Variants in TERB1 observed in about 807,000 individuals in gnomAD.
The protein encoded by TERB1 is telomere repeat binding bouquet formation protein 1.
TERB1 carries 63 observed loss-of-function variants against 92.3 expected under a neutral mutation model. The observed-to-expected ratio is 0.68, with a 90% CI of 0.56 to 0.84. The LOEUF (loss-of-function observed/expected upper bound fraction) is 0.84, where lower values mean the gene tolerates loss of function less well. Ranked by LOEUF, TERB1 falls within the 40% of genes least tolerant of loss-of-function variation. The probability of loss-of-function intolerance (pLI) is 0.00; values close to 1 mark genes in which losing one functional copy is unlikely to be tolerated. For missense variants in TERB1, 709 were observed against 843.7 expected (o/e 0.84, Z 1.98); for synonymous variants, 252 against 283.9 (o/e 0.89, Z 1.13).
chr16:66,771,638 TACACAC>T (rs57620654), intron 13 of TERB1, among the ~76,000 whole-genome samples: 3,294 of 143,076 alleles, frequency 0.023, 42 homozygotes, highest in East Asian at 0.043. Flanking sequence ...TGTTACAGAA[TACACAC>T]ACACACACAC....
At chr16:66,777,143 A>C (rs1043881063) in intron 11 of TERB1, 60 bp downstream of exon 11, 14 of 1,419,502 alleles carry the variant, frequency 9.9e-6, no homozygotes, top group African/African-American at 3.0e-5. Context: ...AAAAAAAAAA[A>C]CAGAAGTATA....
chr16:66,793,562 A>T (rs1289327610), intron 3 of TERB1, among the ~76,000 whole-genome samples: 2 of 151,444 alleles, frequency 1.3e-5, no homozygotes, highest in Non-Finnish European at 2.9e-5. Context: ...CCCAAGCTGG[A>T]GCGCAGTGGC....
chr16:66,755,853 GATAGA>G (rs1281506878), intron 18 of TERB1, among the ~76,000 whole-genome samples: 6 of 152,108 alleles, frequency 3.9e-5, no homozygotes, highest in East Asian at 1.9e-4. Context: ...TCCATAACTT[GATAGA>G]ATAGAAAAGA....
rs556207800 is a variant in TERB1 at position 66,799,217 on chromosome 16, G to A, written c.-33+1760C>T. ...CTGCTTTTAATGTAATTTTTAAGAG[G>A]TGTAATGTATAACTTTTTCTTTTTT... On this transcript the variant is annotated intron_variant, in intron 2 of 18. Transcript: ENST00000433154. Among the ~76,000 whole-genome samples, 5 of 152,128 alleles carry A rather than the reference G, an allele frequency of 3.3e-5. No individual in the cohort carries two copies. The South Asian group carries it at 1.0e-3, about 32-fold the overall frequency.
chr16:66,758,512 G>T, intron 18 of TERB1: 1 of 307,142 alleles, frequency 3.3e-6, no homozygotes, highest in Admixed American at 4.9e-5. Context: ...AGGCCAAGGT[G>T]GGTGGATCAC....
chr16:66,787,663 C>A (rs768443548), intron 6 of TERB1, among the ~76,000 whole-genome samples: 33 of 152,222 alleles, frequency 2.2e-4, no homozygotes, highest in Non-Finnish European at 4.6e-4. Context: ...AAATGCCTCT[C>A]TTTTTCTCTT....
intron 15 of TERB1, 48 bp from the exon 16 acceptor site, chr16:66,767,558 C>G: frequency 1.2e-6 from 1 of 825,692 alleles, no homozygotes; most frequent in Non-Finnish European, 1.9e-6. Context: ...TGAAAAGAAT[C>G]AGATATTTTC....
Position 66,787,491 on chromosome 16 carries a change from A to G in TERB1, c.400+678T>C, listed in dbSNP as rs182487358. 5.9e-5 allele frequency among the ~76,000 whole-genome samples: 9 copies of G among 152,218 alleles called. 1 individual carries two copies. In the East Asian group the frequency reaches 1.4e-3, roughly 23 times the overall value. On this transcript the variant is annotated intron_variant, in intron 6 of 18. Coordinates refer to ENST00000433154, the MANE Select transcript of TERB1 (RefSeq NM_001136505.2). ...TGAAGAATTAAAATTTTAAAGAGTT[A>G]AAAAATAACTGAGCAGTAAGTATAT...
At chr16:66,795,166 G>T (rs1354755082) in intron 3 of TERB1, among the ~76,000 whole-genome samples, 2 of 152,248 alleles carry the variant, frequency 1.3e-5, no homozygotes, top group Admixed American at 6.5e-5. Flanking sequence ...ATAGACATCT[G>T]TCCAAAGATG....
chr16:66,768,698 T>C (rs1225602670), intron 14 of TERB1, among the ~76,000 whole-genome samples: 1 of 152,204 alleles, frequency 6.6e-6, no homozygotes, highest in Non-Finnish European at 1.5e-5. Context: ...TAGCAGTAGC[T>C]TTATAGTTAT....
At chr16:66,768,081 C>T (rs749992131) in intron 15 of TERB1, 23 bp downstream of exon 15, 5 of 1,527,656 alleles carry the variant, frequency 3.3e-6, no homozygotes, top group East Asian at 2.5e-5. Flanking sequence ...ATTAAAAAAC[C>T]AAAGAAACAT....
At chr16:66,760,798 AAAAGAAAAG>A (rs2018228783) in intron 16 of TERB1, among the ~76,000 whole-genome samples, 1 of 94,426 alleles carries the variant, frequency 1.1e-5, no homozygotes, top group Non-Finnish European at 2.0e-5. Flanking sequence ...AAAAAAAAAA[AAAAGAAAAG>A]AAAAGAAAAG....
In TERB1 at chr16:66,770,005, T is replaced by A. The variant is rs980131402; in HGVS notation, c.1577A>T (p.His526Leu). 1 of 1,551,326 alleles carries A rather than the reference T, an allele frequency of 6.4e-7. No homozygotes were observed. The highest frequency in any genetic ancestry group is 8.7e-7 in the Non-Finnish European group (1 of 1,146,938). The change falls in exon 14 of 19, where the codon CAT becomes CTT. Residue 526 changes from histidine to leucine, a missense_variant. Physicochemically the swap from His to Leu is moderately conservative, Grantham distance 99. Coordinates refer to ENST00000433154, the MANE Select transcript of TERB1 (RefSeq NM_001136505.2). Reference protein sequence around the residue: ...KAKSSCNQNLHEETTFEKNFV... With the variant: ...KAKSSCNQNLLEETTFEKNFV... ...ATTCTTTTCAAAAGTAGTTTCTTCA[T>A]GTAAGTTTTGATTGCAGCTTGACTT...
At chr16:66,770,898 T>C (rs1048523706) in intron 13 of TERB1, among the ~76,000 whole-genome samples, 3 of 152,052 alleles carry the variant, frequency 2.0e-5, no homozygotes, top group African/African-American at 7.2e-5. Context: ...TTACCCACAC[T>C]GGAGTGCAGT....
intron 3 of TERB1, among the ~76,000 whole-genome samples, chr16:66,792,566 G>C (rs887907420): frequency 2.6e-5 from 4 of 152,200 alleles, no homozygotes; most frequent in Non-Finnish European, 4.4e-5. Flanking sequence ...AAGTTTTCCA[G>C]ATAACTCTTT....
chr16:66,792,222 C>G (rs962327241), intron 3 of TERB1, among the ~76,000 whole-genome samples: 6 of 152,098 alleles, frequency 3.9e-5, no homozygotes, highest in African/African-American at 1.2e-4. Flanking sequence ...AACGTGCATC[C>G]CTGATTAAAG....
chr16:66,767,450 G>A lies in TERB1; in HGVS notation c.1745C>T (p.Pro582Leu). The A allele has an allele frequency of 1.0e-5, 16 of 1,527,858 alleles. No individual in the cohort carries two copies. Among genetic ancestry groups the A allele is most frequent in the Non-Finnish European group, 1.4e-5 (16 of 1,138,044 alleles). 94.6% of individuals were successfully genotyped at this position (1,527,858 alleles called of 1,614,324 possible). Residue 582 changes from proline to leucine, a missense_variant, in exon 16 of 19, where the codon CCC becomes CTC. Pro to Leu is a moderately conservative substitution (Grantham distance 98). Coordinates refer to ENST00000433154, the MANE Select transcript of TERB1 (RefSeq NM_001136505.2). ...ATACGTCAACATTTCGGAACAACTG[G>A]GAGTTGCTAGAAAACTGACTACTTC... is the stretch of plus-strand genomic sequence containing the variant. The part of the protein sequence containing the change: ...NKEVVSFLAT[P>L]SCSEMLTYRC...
intron 9 of TERB1, among the ~76,000 whole-genome samples, chr16:66,781,396 A>C (rs181593584): frequency 1.3e-5 from 2 of 151,918 alleles, no homozygotes; most frequent in East Asian, 3.9e-4. Context: ...TAATATTCAT[A>C]TCTTCTTTGG....
At chr16:66,757,211 T>C (rs1178886747) in intron 18 of TERB1, among the ~76,000 whole-genome samples, 1 of 152,188 alleles carries the variant, frequency 6.6e-6, no homozygotes, top group East Asian at 1.9e-4. Flanking sequence ...ATTATTTGGT[T>C]TTAGCTAAAG....
Sources: gnomAD v4.1 joint callset for allele counts (sites outside exome capture counted in the v4.1 genomes callset) on GRCh38, gnomAD v4.1.1 for gene constraint, MANE v1.5 for transcripts, NCBI Gene and HGNC (gene_info 2026-07-23, HGNC 2026-07-21) for gene names.